USP15: variants seen among roughly 807,000 people sequenced by gnomAD.
The protein encoded by USP15 is ubiquitin carboxyl-terminal hydrolase 15.
A neutral mutation model predicts 127.1 loss-of-function variants in USP15; 18 were observed. That is an observed-to-expected ratio of 0.14 (90% CI 0.10 to 0.21). The LOEUF is 0.21. Ranked by LOEUF, USP15 falls within the 10% of genes least tolerant of loss-of-function variation. USP15 has a pLI of 1.00. For missense variants in USP15, 805 were observed against 1,159.9 expected, an observed-to-expected ratio of 0.69 and a Z score of 4.44; for synonymous variants, 364 against 393.7, an observed-to-expected ratio of 0.92 and a Z score of 0.89.
intron 1 of USP15, among the ~76,000 whole-genome samples, chr12:62,276,662 A>G (rs189071608): frequency 1.3e-3 from 204 of 152,222 alleles, no homozygotes; most frequent in African/African-American, 4.7e-3. Context: ...TGAATACACT[A>G]CCGTATATCA....
chr12:62,382,776 G>A (rs779772237), intron 9 of USP15, among the ~76,000 whole-genome samples: 15 of 151,700 alleles, frequency 9.9e-5, no homozygotes, highest in African/African-American at 2.7e-4. Flanking sequence ...CTCCTTTTGC[G>A]CATAGAAACT....
chr12:62,314,782 T>C lies in USP15; in HGVS notation c.349-8T>C. 6.5e-7 allele frequency: 1 copy of C among 1,544,600 alleles called. No homozygotes were observed. Among genetic ancestry groups the C allele is most frequent in the Non-Finnish European group, 8.7e-7 (1 of 1,144,918 alleles). ...GTGACACTGATTTGTTTTGTTTCATTATTTTAGGTGGTTGAACAGGGTATG... is the reference window on the plus strand; with the variant it reads ...GTGACACTGATTTGTTTTGTTTCATCATTTTAGGTGGTTGAACAGGGTATG... On this transcript the variant is annotated splice_polypyrimidine_tract_variant and splice_region_variant and intron_variant, in intron 3 of 21. Coordinates refer to ENST00000280377, the MANE Select transcript of USP15 (RefSeq NM_001252078.2).
chr12:62,338,587 T>C (rs2065552085), intron 6 of USP15, among the ~76,000 whole-genome samples: 2 of 152,216 alleles, frequency 1.3e-5, no homozygotes, highest in Non-Finnish European at 2.9e-5. Flanking sequence ...CTAGGTTTTC[T>C]TCTAGGTTTT....
chr12:62,291,948 G>A (rs1394603214), intron 1 of USP15, among the ~76,000 whole-genome samples: 1 of 152,188 alleles, frequency 6.6e-6, no homozygotes, highest in African/African-American at 2.4e-5. Flanking sequence ...TCATCTCCAG[G>A]CCAATAAGTA....
chr12:62,288,249 A>G (rs183810425), intron 1 of USP15, among the ~76,000 whole-genome samples: 25 of 146,376 alleles, frequency 1.7e-4, no homozygotes, highest in Admixed American at 8.2e-4. Context: ...TGTTCCACTT[A>G]TTTGTGTCAT....
rs143843786 is a variant in USP15, at chr12:62,295,875, G to A, written c.217+1569G>A. On this transcript the variant is annotated intron_variant, in intron 2 of 21. Transcript: ENST00000280377. ...ACTCTTGTATAATACTCTCCCCTTT[G>A]AGTGTAGGTGAAACCTGTAAATAGG... is the stretch of plus-strand genomic sequence containing the variant. Among the ~76,000 whole-genome samples the A allele has an allele frequency of 1.8e-3, 270 of 152,324 alleles. 1 individual carries two copies. The highest frequency in any genetic ancestry group is 6.4e-3 in the African/African-American group (266 of 41,570).
intron 4 of USP15, among the ~76,000 whole-genome samples, chr12:62,316,307 G>C (rs1343465787): frequency 6.8e-6 from 1 of 147,732 alleles, no homozygotes; most frequent in Non-Finnish European, 1.5e-5. Flanking sequence ...AAAGCCCATA[G>C]AGTCATCTTT....
chr12:62,269,833 A>C (rs1289695931), intron 1 of USP15, among the ~76,000 whole-genome samples: 3 of 152,122 alleles, frequency 2.0e-5, no homozygotes, highest in African/African-American at 7.2e-5. Flanking sequence ...TAGACATTTG[A>C]ATTTCCAATT....
chr12:62,345,115 A>G (rs972391913), intron 6 of USP15, among the ~76,000 whole-genome samples: 14 of 152,148 alleles, frequency 9.2e-5, no homozygotes, highest in African/African-American at 2.7e-4. Flanking sequence ...TTTCATTTCT[A>G]TTGCATTGTC....
intron 8 of USP15, among the ~76,000 whole-genome samples, chr12:62,371,172 A>G (rs897790871): frequency 3.9e-5 from 6 of 152,232 alleles, no homozygotes; most frequent in Non-Finnish European, 5.9e-5. Context: ...CCTAAAGGAT[A>G]AAATTCAAAC....
At chr12:62,394,403 A>T (rs889158947) in intron 19 of USP15, among the ~76,000 whole-genome samples, 2 of 152,260 alleles carry the variant, frequency 1.3e-5, no homozygotes, top group African/African-American at 4.8e-5. Flanking sequence ...ATAAAACAAA[A>T]TATTCACTGG....
chr12:62,400,975 A>G (rs1192467385), intron 20 of USP15, among the ~76,000 whole-genome samples: 1 of 152,090 alleles, frequency 6.6e-6, no homozygotes, highest in Non-Finnish European at 1.5e-5. Flanking sequence ...CCTGAGATGA[A>G]AAAAGAATGT....
At chr12:62,318,022 C>T (rs2064879807) in intron 4 of USP15, among the ~76,000 whole-genome samples, 1 of 152,098 alleles carries the variant, frequency 6.6e-6, no homozygotes, top group Non-Finnish European at 1.5e-5. Context: ...TTGTGAGTAA[C>T]CTGTATTATT....
intron 21 of USP15, among the ~76,000 whole-genome samples, chr12:62,403,985 G>A (rs1310826564): frequency 6.6e-6 from 1 of 151,930 alleles, no homozygotes; most frequent in Non-Finnish European, 1.5e-5. Context: ...TAATTTAGAA[G>A]CACATAAAAA....
At chr12:62,369,745 A>G (rs1305302594) in intron 8 of USP15, among the ~76,000 whole-genome samples, 1 of 152,190 alleles carries the variant, frequency 6.6e-6, no homozygotes, top group African/African-American at 2.4e-5. Flanking sequence ...AAGACTTCTA[A>G]TAAGTATTTT....
chr12:62,275,874 T>A (rs566593990), intron 1 of USP15, among the ~76,000 whole-genome samples: 1 of 152,140 alleles, frequency 6.6e-6, no homozygotes, highest in East Asian at 1.9e-4. Flanking sequence ...ACCTAATGGG[T>A]TAGAGACTAG....
intron 1 of USP15, among the ~76,000 whole-genome samples, chr12:62,265,970 T>C (rs1206402816): frequency 2.0e-5 from 3 of 152,158 alleles, no homozygotes; most frequent in Non-Finnish European, 4.4e-5. Flanking sequence ...ATTCTACCAT[T>C]TGCCTCTTGT....
At chr12:62,290,224 AC>A (rs2063919738) in intron 1 of USP15, among the ~76,000 whole-genome samples, 1 of 152,128 alleles carries the variant, frequency 6.6e-6, no homozygotes, top group Non-Finnish European at 1.5e-5. Flanking sequence ...GAAGTCCCCC[AC>A]TATTATTGTA....
chr12:62,351,713 TA>T (rs1396243490), intron 7 of USP15, among the ~76,000 whole-genome samples: 1 of 152,060 alleles, frequency 6.6e-6, no homozygotes, highest in Non-Finnish European at 1.5e-5. Flanking sequence ...TAGCTATTTA[TA>T]TTTTTTTAAT....
Sources: gnomAD v4.1 joint callset for allele counts (sites outside exome capture counted in the v4.1 genomes callset) on GRCh38, gnomAD v4.1.1 for gene constraint, MANE v1.5 for transcripts, NCBI Gene and HGNC (gene_info 2026-07-23, HGNC 2026-07-21) for gene names.